Variants in ZFAND3 observed in about 807,000 individuals in gnomAD.
ZFAND3 encodes AN1-type zinc finger protein 3.
ZFAND3 carries 10 observed loss-of-function variants against 29.6 expected under a neutral mutation model. That is an observed-to-expected ratio of 0.34 (90% CI 0.21 to 0.57). The LOEUF (loss-of-function observed/expected upper bound fraction) is 0.57. Ranked by LOEUF, ZFAND3 falls within the 20% of genes least tolerant of loss-of-function variation. The pLI is 0.86. For synonymous variants in ZFAND3, 128 were observed against 112.6 expected, an observed-to-expected ratio of 1.14 and a Z score of -0.87; for missense variants, 230 against 304.5, an observed-to-expected ratio of 0.76 and a Z score of 1.82.
At chr6:38,145,113 G>A (rs1354790052) in intron 5 of ZFAND3, among the ~76,000 whole-genome samples, 1 of 152,162 alleles carries the variant, frequency 6.6e-6, no homozygotes, top group Non-Finnish European at 1.5e-5. Context: ...ATGTAAGGTG[G>A]GCTCCTTCCC....
At chr6:37,953,397 T>A (rs1013409671) in intron 2 of ZFAND3, among the ~76,000 whole-genome samples, 16 of 151,840 alleles carry the variant, frequency 1.1e-4, no homozygotes, top group Non-Finnish European at 1.8e-4. Flanking sequence ...TCCTTCCTGA[T>A]CTTTATGCTA....
intron 2 of ZFAND3, among the ~76,000 whole-genome samples, chr6:38,046,685 A>C (rs141611488): frequency 6.6e-6 from 1 of 152,354 alleles, no homozygotes; most frequent in African/African-American, 2.4e-5. Context: ...AATCAGTAAA[A>C]GATAAAACCA....
At chr6:38,030,104 C>T (rs914194071) in intron 2 of ZFAND3, among the ~76,000 whole-genome samples, 41 of 88,390 alleles carry the variant, frequency 4.6e-4, no homozygotes, top group Admixed American at 1.9e-3. Flanking sequence ...ATATATATAG[C>T]CTGAGAAGGT....
At chr6:37,908,934 A>C (rs1391467490) in intron 1 of ZFAND3, among the ~76,000 whole-genome samples, 1 of 152,082 alleles carries the variant, frequency 6.6e-6, no homozygotes, top group East Asian at 1.9e-4. Flanking sequence ...ACATTGGGAG[A>C]ATGCTTTAAA....
intron 2 of ZFAND3, among the ~76,000 whole-genome samples, chr6:38,048,348 G>T (rs569989625): frequency 5.3e-5 from 8 of 151,754 alleles, no homozygotes; most frequent in African/African-American, 1.4e-4. Flanking sequence ...CAGGCCGGGC[G>T]CGGTGGCTCA....
At chr6:38,003,925 C>A in intron 2 of ZFAND3, 2 of 301,540 alleles carry the variant, frequency 6.6e-6, no homozygotes, top group South Asian at 2.5e-5. Flanking sequence ...TTCTGTCGTC[C>A]GAATGAAAAA....
chr6:38,041,717 C>T (rs1482440674), intron 2 of ZFAND3, among the ~76,000 whole-genome samples: 121 of 758 alleles, frequency 0.16, 21 homozygotes, highest in East Asian at 0.76. Context: ...TCCTCCTCCT[C>T]CTCCTCCTCC....
intron 1 of ZFAND3, among the ~76,000 whole-genome samples, chr6:37,881,952 G>A (rs1764904598): frequency 6.6e-6 from 1 of 152,132 alleles, no homozygotes; most frequent in South Asian, 2.1e-4. Context: ...GGTCAGTGGT[G>A]CAGAGCTCAG....
intron 2 of ZFAND3, among the ~76,000 whole-genome samples, chr6:37,964,081 G>T (rs1457111326): frequency 6.6e-6 from 1 of 151,824 alleles, no homozygotes; most frequent in African/African-American, 2.4e-5. Flanking sequence ...CCCCCCTCAG[G>T]TTTTCCTTGT....
chr6:37,844,910 G>A (rs1206979065), intron 1 of ZFAND3, among the ~76,000 whole-genome samples: 1 of 150,842 alleles, frequency 6.6e-6, no homozygotes, highest in Admixed American at 6.6e-5. Flanking sequence ...TATAGTCCCA[G>A]CTACATGGGA....
intron 2 of ZFAND3, among the ~76,000 whole-genome samples, chr6:37,953,576 C>T (rs758517696): frequency 4.0e-5 from 6 of 150,500 alleles, no homozygotes; most frequent in African/African-American, 4.9e-5. Context: ...TCTTAGCCTT[C>T]GAATAACTGG....
intron 1 of ZFAND3, among the ~76,000 whole-genome samples, chr6:37,872,172 C>G (rs985266179): frequency 6.6e-6 from 1 of 152,208 alleles, no homozygotes; most frequent in African/African-American, 2.4e-5. Flanking sequence ...TATTACCTAA[C>G]GTGGCTTACG....
At chr6:37,903,135 T>C (rs1023461311) in intron 1 of ZFAND3, among the ~76,000 whole-genome samples, 1 of 152,316 alleles carries the variant, frequency 6.6e-6, no homozygotes, top group African/African-American at 2.4e-5. Context: ...ATAATGAGAA[T>C]TTTTAAGCTT....
At chr6:38,145,806 C>A (rs1292763863) in intron 5 of ZFAND3, among the ~76,000 whole-genome samples, 1 of 152,120 alleles carries the variant, frequency 6.6e-6, no homozygotes, top group Non-Finnish European at 1.5e-5. Flanking sequence ...AGGGCTGAGT[C>A]CAGATGTTCT....
chr6:38,007,971 A>G (rs2645128), intron 2 of ZFAND3, among the ~76,000 whole-genome samples: 45,584 of 152,068 alleles, frequency 0.3, 7,531 homozygotes, highest in Non-Finnish European at 0.38. Flanking sequence ...AGCTACATTA[A>G]TAGCACTTGG....
intron 2 of ZFAND3, among the ~76,000 whole-genome samples, chr6:38,051,422 G>T (rs1480202506): frequency 2.0e-5 from 3 of 152,114 alleles, no homozygotes; most frequent in Non-Finnish European, 4.4e-5. Context: ...GACATTTAAA[G>T]CCTTAGGTCT....
intron 2 of ZFAND3, among the ~76,000 whole-genome samples, chr6:37,977,669 A>C (rs1330836849): frequency 6.6e-6 from 1 of 151,992 alleles, no homozygotes. Flanking sequence ...TAAGAGGGCA[A>C]GCTTTCAGTC....
At chr6:37,915,410 A>G (rs76307378) in intron 1 of ZFAND3, among the ~76,000 whole-genome samples, 33 of 152,358 alleles carry the variant, frequency 2.2e-4, no homozygotes, top group Middle Eastern at 6.8e-3. Context: ...CTTTAGGCCT[A>G]TCTTGGCTTT....
intron 2 of ZFAND3, among the ~76,000 whole-genome samples, chr6:38,021,220 T>G (rs1763343343): frequency 1.3e-5 from 2 of 152,184 alleles, no homozygotes; most frequent in African/African-American, 4.8e-5. Flanking sequence ...TCTGTTAGAT[T>G]AGAGCAAACA....
Sources: allele counts gnomAD v4.1 joint callset (sites outside exome capture counted in the v4.1 genomes callset), GRCh38; gene constraint gnomAD v4.1.1; transcripts MANE v1.5; gene names NCBI Gene and HGNC (gene_info 2026-07-23, HGNC 2026-07-21).